The following RAP1GDS1 variants were observed in gnomAD, a reference collection of about 807,000 sequenced individuals.
RAP1GDS1 encodes RAP1, GTP-GDP dissociation stimulator 1.
A neutral mutation model predicts 71.1 loss-of-function variants in RAP1GDS1; 35 were observed. The ratio of observed to expected loss-of-function variants is 0.49; its 90% CI spans 0.38 to 0.65. The LOEUF (loss-of-function observed/expected upper bound fraction) is 0.65. Among genes scored for constraint, RAP1GDS1 ranks in the 30% least tolerant of loss-of-function variants. The pLI is 0.00. For missense variants in RAP1GDS1, 663 were observed against 706.1 expected (o/e 0.94, Z 0.69); for synonymous variants, 229 against 243.1 (o/e 0.94, Z 0.54).
chr4:98,324,542 A>C (rs1318339438), intron 2 of RAP1GDS1, among the ~76,000 whole-genome samples: 5 of 146,586 alleles, frequency 3.4e-5, no homozygotes, highest in African/African-American at 1.3e-4. Flanking sequence ...TACAGTAACC[A>C]AAACAGCATG....
At chr4:98,318,445 T>G (rs1322189402) in intron 2 of RAP1GDS1, among the ~76,000 whole-genome samples, 1 of 152,178 alleles carries the variant, frequency 6.6e-6, no homozygotes, top group Non-Finnish European at 1.5e-5. Context: ...ATTAGAACAA[T>G]ATACTGTAAT....
intron 1 of RAP1GDS1, among the ~76,000 whole-genome samples, chr4:98,287,723 C>T (rs546306668): frequency 1.2e-4 from 18 of 152,224 alleles, no homozygotes; most frequent in African/African-American, 3.6e-4. Flanking sequence ...TATCCAAGTA[C>T]TGCATGAATT....
At chr4:98,384,146 G>A (rs1742401276) in intron 5 of RAP1GDS1, among the ~76,000 whole-genome samples, 1 of 151,128 alleles carries the variant, frequency 6.6e-6, no homozygotes, top group Non-Finnish European at 1.5e-5. Context: ...CTTTTTTAAT[G>A]AAACTAATTT....
intron 6 of RAP1GDS1, among the ~76,000 whole-genome samples, chr4:98,392,472 C>G (rs561037287): frequency 1.1e-3 from 174 of 152,228 alleles, no homozygotes; most frequent in Non-Finnish European, 1.9e-3. Flanking sequence ...TCCAGCACTT[C>G]GGAAGGCCGA....
rs199735110 is a variant in RAP1GDS1, at chr4:98,437,103, A to G, written c.1696+35A>G. 408 of 1,534,302 alleles carry G rather than the reference A, an allele frequency of 2.7e-4. No homozygotes were observed. In the Middle Eastern group the frequency reaches 3.4e-3, roughly 13 times the overall value. On this transcript the variant is annotated intron_variant, in intron 14 of 14. Coordinates refer to ENST00000408927, the MANE Select transcript of RAP1GDS1 (RefSeq NM_001100427.2). ...CTTCTATCATTTGATGTCCATAAAC[A>G]TATGGTTCACATTAAATATTAAATA...
intron 5 of RAP1GDS1, among the ~76,000 whole-genome samples, chr4:98,385,724 A>T (rs1042881297): frequency 1.3e-5 from 2 of 151,956 alleles, no homozygotes; most frequent in Non-Finnish European, 2.9e-5. Flanking sequence ...TTGTTAACAG[A>T]ATTTTTGCCT....
At chr4:98,370,278 A>G (rs1740175736) in intron 4 of RAP1GDS1, among the ~76,000 whole-genome samples, 1 of 152,180 alleles carries the variant, frequency 6.6e-6, no homozygotes, top group African/African-American at 2.4e-5. Context: ...TTCATTAATC[A>G]GTATTTAAAA....
chr4:98,410,552 TA>T (rs1578782783), intron 7 of RAP1GDS1, among the ~76,000 whole-genome samples: 2 of 152,142 alleles, frequency 1.3e-5, no homozygotes, highest in African/African-American at 4.8e-5. Flanking sequence ...CAGGAACTGT[TA>T]CAGGAATGTT....
Position 98,379,103 on chromosome 4 carries a change from G to A in RAP1GDS1, c.448G>A (p.Ala150Thr), listed in dbSNP as rs368890275. Residue 150 changes from alanine (A) to threonine (T), a missense_variant, in exon 5 of 15, where the codon GCC becomes ACC. By Grantham distance (58) the Ala-to-Thr change is moderately conservative. Coordinates refer to ENST00000408927, the MANE Select transcript of RAP1GDS1 (RefSeq NM_001100427.2). The stretch of plus-strand genomic sequence containing the variant: ...GTCACTGTGCAGTATAACAGATCCC[G>A]CCAATGAGAAGCTCTTGACTGTCTT... ...LRSLCSITDP[A>T]NEKLLTVFCG... 2.9e-5 allele frequency: 47 copies of A among 1,610,246 alleles called. No individual in the cohort carries two copies. Among genetic ancestry groups the A allele is most frequent in the East Asian group, 4.5e-5 (2 of 44,722 alleles).
Position 98,443,421 on chromosome 4 carries a change from C to A in RAP1GDS1, c.*1304C>A. On this transcript the variant is annotated 3_prime_UTR_variant, in exon 15 of 15. Transcript: ENST00000408927. ...ATCTTTGTAAATTAATCAAAACCTC[C>A]CTGTGACCCACCTGCCTTCTCCCCA... is the stretch of plus-strand genomic sequence containing the variant. 1 of 230,898 alleles carries A rather than the reference C, an allele frequency of 4.3e-6. No individual in the cohort carries two copies. The highest frequency in any genetic ancestry group is 8.6e-6 in the Non-Finnish European group (1 of 116,626). 14.3% of individuals were successfully genotyped at this position (230,898 alleles called of 1,614,324 possible). A position where few individuals can be genotyped will look rare whatever the true frequency, so the allele number is the denominator to read the frequency against.
chr4:98,295,287 A>G (rs1398570544), intron 2 of RAP1GDS1, among the ~76,000 whole-genome samples: 1 of 152,104 alleles, frequency 6.6e-6, no homozygotes, highest in Non-Finnish European at 1.5e-5. Flanking sequence ...CCACGTAACC[A>G]CAAGGTATTA....
chr4:98,328,005 TC>T (rs1733394148), intron 2 of RAP1GDS1, among the ~76,000 whole-genome samples: 1 of 152,194 alleles, frequency 6.6e-6, no homozygotes, highest in South Asian at 2.1e-4. Flanking sequence ...AATATGGCAA[TC>T]CCAGTTTGCA....
At chr4:98,384,892 C>T (rs1742515380) in intron 5 of RAP1GDS1, among the ~76,000 whole-genome samples, 1 of 151,592 alleles carries the variant, frequency 6.6e-6, no homozygotes, top group Non-Finnish European at 1.5e-5. Context: ...ATTGCTACTG[C>T]GATTATGATA....
chr4:98,304,678 G>A lies in RAP1GDS1; in HGVS notation c.112+11163G>A, dbSNP rs563445141. Among the ~76,000 whole-genome samples the A allele has an allele frequency of 1.1e-3, 174 of 152,136 alleles. 1 individual carries two copies. The South Asian group carries it at 0.018, about 16-fold the overall frequency. On this transcript the variant is annotated intron_variant, in intron 2 of 14. Coordinates refer to ENST00000408927, the MANE Select transcript of RAP1GDS1 (RefSeq NM_001100427.2). ...CTCCGATGGTAGTTTCTTTTGCTGC[G>A]CAAAAGCTCTTTAGTTTAATTAGAT...
chr4:98,280,313 A>G (rs1724875587), intron 1 of RAP1GDS1, among the ~76,000 whole-genome samples: 2 of 152,184 alleles, frequency 1.3e-5, no homozygotes, highest in African/African-American at 4.8e-5. Flanking sequence ...AACTGGTGTG[A>G]GATGGTATCT....
At position 98,371,658 on chromosome 4, in the gene RAP1GDS1, G is replaced by T. The variant is rs544716763; in HGVS notation, c.362-7359G>T. Among the ~76,000 whole-genome samples, 4 of 151,218 alleles carry T rather than the reference G, an allele frequency of 2.6e-5. No individual in the cohort carries two copies. In the South Asian group the frequency reaches 8.4e-4, roughly 32 times the overall value. ...TGCCTGGCTAGTTTTTGTATTTTTA[G>T]TAGAGATGAGATTTCACTGTGTTGG... On this transcript the variant is annotated intron_variant, in intron 4 of 14. Transcript: ENST00000408927.
intron 5 of RAP1GDS1, chr4:98,387,408 G>A (rs546389764): frequency 4.4e-5 from 20 of 455,430 alleles, no homozygotes; most frequent in Admixed American, 1.2e-4. Context: ...GGGGGAAAAG[G>A]TTCCTCAACT....
intron 5 of RAP1GDS1, among the ~76,000 whole-genome samples, chr4:98,382,116 T>A (rs920132240): frequency 6.6e-6 from 1 of 151,628 alleles, no homozygotes; most frequent in South Asian, 2.1e-4. Flanking sequence ...ATTCATAATT[T>A]ATCAGTTTCA....
chr4:98,343,126 G>C lies in RAP1GDS1; in HGVS notation c.113-13G>C. 3 of 1,599,258 alleles carry C rather than the reference G, an allele frequency of 1.9e-6. No homozygotes were observed. The highest frequency in any genetic ancestry group is 2.6e-6 in the Non-Finnish European group (3 of 1,171,704). ...AGATTTTCACTGAAGCTCTTTGTAT[G>C]TATCTCTTTTAGATACGGAAACAAG... On this transcript the variant is annotated splice_polypyrimidine_tract_variant and intron_variant, in intron 2 of 14. Coordinates refer to ENST00000408927, the MANE Select transcript of RAP1GDS1 (RefSeq NM_001100427.2).
Sources: gnomAD v4.1 joint callset for allele counts (sites outside exome capture counted in the v4.1 genomes callset) on GRCh38, gnomAD v4.1.1 for gene constraint, MANE v1.5 for transcripts, NCBI Gene and HGNC (gene_info 2026-07-23, HGNC 2026-07-21) for gene names.